The following CNIH3 variants were observed in gnomAD, a reference collection of about 807,000 sequenced individuals.
CNIH3 encodes the protein cornichon family AMPA receptor auxiliary protein 3.
A neutral mutation model predicts 24.1 loss-of-function variants in CNIH3; 14 were observed. That is an observed-to-expected ratio of 0.58 (90% CI 0.38 to 0.91). CNIH3 has a LOEUF of 0.91. CNIH3 is among the 40% of genes least tolerant of loss of function. The pLI is 0.00. For missense variants in CNIH3, 178 were observed against 196.8 expected (o/e 0.90, Z 0.57); for synonymous variants, 68 against 73.8 (o/e 0.92, Z 0.40).
intron 1 of CNIH3, among the ~76,000 whole-genome samples, chr1:224,679,089 T>G (rs1388055128): frequency 6.6e-6 from 1 of 152,144 alleles, no homozygotes; most frequent in Non-Finnish European, 1.5e-5. Flanking sequence ...TGCCACAAAA[T>G]ATTCTCCTTT....
chr1:224,706,908 G>T (rs1038539767), intron 3 of CNIH3, among the ~76,000 whole-genome samples: 1 of 146,652 alleles, frequency 6.8e-6, no homozygotes, highest in African/African-American at 2.5e-5. Flanking sequence ...ATATTATTAT[G>T]TACTTTAAAA....
At chr1:224,489,379 A>G (rs1399868187) in intron 1 of CNIH3, among the ~76,000 whole-genome samples, 1 of 151,080 alleles carries the variant, frequency 6.6e-6, no homozygotes, top group Non-Finnish European at 1.5e-5. Flanking sequence ...CAGCATCTAT[A>G]TTTCCCTCAC....
At chr1:224,478,861 T>C (rs1676688704) in intron 1 of CNIH3, among the ~76,000 whole-genome samples, 1 of 152,144 alleles carries the variant, frequency 6.6e-6, no homozygotes, top group African/African-American at 2.4e-5. Context: ...AAGTCACATC[T>C]TATGTGGATG....
intron 3 of CNIH3, chr1:224,717,778 C>A (rs6689441): frequency 0.18 from 27,607 of 152,164 alleles, 2,570 homozygotes; most frequent in African/African-American, 0.25. Context: ...CTGTACTCAC[C>A]TGTAAGGGAC....
At chr1:224,612,506 G>A (rs183672223), upstream of CNIH3, among the ~76,000 whole-genome samples, 113 of 152,222 alleles carry the variant, frequency 7.4e-4, no homozygotes, top group African/African-American at 2.6e-3. The surrounding 1 kb of genome is among the most constrained non-coding windows in gnomAD (Gnocchi z 4.7). Context: ...GATCCAGAAG[G>A]ACAGCTCCAT....
intron 1 of CNIH3, among the ~76,000 whole-genome samples, chr1:224,472,975 T>G (rs1676427466): frequency 1.3e-5 from 2 of 152,216 alleles, no homozygotes; most frequent in African/African-American, 4.8e-5. Flanking sequence ...TTTGCTGGGC[T>G]ATGTGAAATT....
At chr1:224,483,152 C>T (rs1676879906) in intron 1 of CNIH3, among the ~76,000 whole-genome samples, 1 of 152,150 alleles carries the variant, frequency 6.6e-6, no homozygotes, top group South Asian at 2.1e-4. Context: ...TTCCTACCCT[C>T]TCCAGTGCCT....
At chr1:224,504,988 T>G in intron 1 of CNIH3, among the ~76,000 whole-genome samples, 1 of 120,392 alleles carries the variant, frequency 8.3e-6, no homozygotes. Flanking sequence ...CTTTATTATT[T>G]TCCCTTTCCC....
intron 1 of CNIH3, among the ~76,000 whole-genome samples, chr1:224,462,768 T>C (rs1460225321): frequency 6.6e-6 from 1 of 151,312 alleles, no homozygotes; most frequent in Non-Finnish European, 1.5e-5. Flanking sequence ...GCCTCCTGAG[T>C]AGCTGGGTCT....
chr1:224,616,069 C>T, upstream of CNIH3: 1 of 153,780 alleles, frequency 6.5e-6, no homozygotes, highest in Non-Finnish European at 1.4e-5. Flanking sequence ...ACCGGTCCCG[C>T]CCCACCTCCG....
intron 2 of CNIH3, among the ~76,000 whole-genome samples, chr1:224,533,099 G>C (rs1679138229): frequency 6.6e-6 from 1 of 152,192 alleles, no homozygotes; most frequent in Non-Finnish European, 1.5e-5. Flanking sequence ...GTCAGGCTGT[G>C]AGAAAAGGTT....
chr1:224,656,179 G>A (rs1176264808), intron 1 of CNIH3, among the ~76,000 whole-genome samples: 2 of 152,048 alleles, frequency 1.3e-5, no homozygotes, highest in Admixed American at 1.3e-4. Flanking sequence ...GGTCGTTGTG[G>A]GATAATGAGA....
intron 3 of CNIH3, among the ~76,000 whole-genome samples, chr1:224,698,805 C>T (rs1487159219): frequency 1.3e-5 from 2 of 152,202 alleles, no homozygotes; most frequent in Admixed American, 6.5e-5. Context: ...ACTTGCGGAA[C>T]TCTGCCTGCA....
intron 4 of CNIH3, among the ~76,000 whole-genome samples, chr1:224,570,202 C>T (rs1202346417): frequency 1.3e-5 from 2 of 152,118 alleles, no homozygotes; most frequent in East Asian, 1.9e-4. Context: ...TCAAGGGGTA[C>T]GTGTGCAAGT....
chr1:224,562,251 G>A (rs1680403719), intron 3 of CNIH3, among the ~76,000 whole-genome samples: 1 of 152,070 alleles, frequency 6.6e-6, no homozygotes. Context: ...GGTCCTATTT[G>A]ACTCTCCTTT....
chr1:224,593,072 G>A (rs1178037689), downstream of CNIH3, among the ~76,000 whole-genome samples: 1 of 151,700 alleles, frequency 6.6e-6, no homozygotes, highest in East Asian at 1.9e-4. Context: ...AGGACTCTCT[G>A]AAATGGTCAC....
chr1:224,645,572 C>T (rs1470357055), intron 1 of CNIH3, among the ~76,000 whole-genome samples: 1 of 152,246 alleles, frequency 6.6e-6, no homozygotes, highest in African/African-American at 2.4e-5. Flanking sequence ...GTGCTTATTT[C>T]CAAAATATGG....
rs941065412 is a variant in CNIH3, at chr1:224,740,454, G to A, written c.*1098G>A. The A allele has an allele frequency of 6.6e-6, 1 of 151,896 alleles. No individual in the cohort carries two copies. Among genetic ancestry groups the A allele is most frequent in the Non-Finnish European group, 1.5e-5 (1 of 68,002 alleles). 9.4% of individuals were successfully genotyped at this position (151,896 alleles called of 1,614,324 possible). A position where few individuals can be genotyped will look rare whatever the true frequency, so the allele number is the denominator to read the frequency against. On this transcript the variant is annotated 3_prime_UTR_variant, in exon 6 of 6. Coordinates refer to ENST00000272133, the MANE Select transcript of CNIH3 (RefSeq NM_152495.2). ...TAACATACACAGGCTATTTATACAC[G>A]TCCCCAGCTCCCATCTGAAACCTGT... is the stretch of plus-strand genomic sequence containing the variant.
chr1:224,653,216 AG>A (rs1433163777), intron 1 of CNIH3, among the ~76,000 whole-genome samples: 1 of 152,098 alleles, frequency 6.6e-6, no homozygotes, highest in Admixed American at 6.5e-5. Flanking sequence ...TGAGGTCAGG[AG>A]TTTGAGACCA....
Sources: gnomAD v4.1 joint callset for allele counts (sites outside exome capture counted in the v4.1 genomes callset) on GRCh38, gnomAD v4.1.1 for gene constraint, Gnocchi (gnomAD v3.1) non-coding constraint, MANE v1.5 for transcripts, NCBI Gene and HGNC (gene_info 2026-07-23, HGNC 2026-07-21) for gene names.